Variants in NKAIN2 observed in about 807,000 individuals in gnomAD.
NKAIN2 encodes the protein sodium/potassium-transporting ATPase subunit beta-1-interacting protein 2.
NKAIN2 carries 14 observed loss-of-function variants against 32.6 expected under a neutral mutation model. That is an observed-to-expected ratio of 0.43 (90% CI 0.28 to 0.67). The LOEUF (loss-of-function observed/expected upper bound fraction) is 0.67. Ranked by LOEUF, NKAIN2 falls within the 30% of genes least tolerant of loss-of-function variation. NKAIN2 has a pLI of 0.17. For synonymous variants in NKAIN2, 80 were observed against 87.2 expected, an observed-to-expected ratio of 0.92 and a Z score of 0.46; for missense variants, 198 against 258.3, an observed-to-expected ratio of 0.77 and a Z score of 1.60.
intron 2 of NKAIN2, among the ~76,000 whole-genome samples, chr6:124,295,920 A>G (rs1796028920): frequency 1.3e-5 from 2 of 151,378 alleles, no homozygotes; most frequent in African/African-American, 4.9e-5. Context: ...CCAATTTGTC[A>G]ATCTGGTGAT....
chr6:124,457,266 T>C (rs1776359151), intron 3 of NKAIN2, among the ~76,000 whole-genome samples: 1 of 151,988 alleles, frequency 6.6e-6, no homozygotes. Context: ...CCCCTTGTCA[T>C]TTCTCAAATT....
intron 4 of NKAIN2, among the ~76,000 whole-genome samples, chr6:124,784,033 T>TA (rs1009017078): frequency 1.3e-5 from 2 of 152,158 alleles, no homozygotes; most frequent in East Asian, 3.9e-4. Context: ...GGCACAAAAT[T>TA]AAAATGTGTC....
chr6:124,746,356 C>T (rs1777451636), intron 4 of NKAIN2, among the ~76,000 whole-genome samples: 1 of 151,578 alleles, frequency 6.6e-6, no homozygotes, highest in Non-Finnish European at 1.5e-5. Context: ...GAAAAACAGA[C>T]AAAAGAAAAG....
At chr6:124,077,166 T>C (rs1186757997) in intron 1 of NKAIN2, among the ~76,000 whole-genome samples, 1 of 152,232 alleles carries the variant, frequency 6.6e-6, no homozygotes, top group African/African-American at 2.4e-5. Flanking sequence ...TTTTGTGCTG[T>C]AGCACAATCA....
At chr6:124,385,177 T>C (rs1462654729) in intron 3 of NKAIN2, among the ~76,000 whole-genome samples, 1 of 152,148 alleles carries the variant, frequency 6.6e-6, no homozygotes, top group Admixed American at 6.5e-5. Context: ...GAATATATTT[T>C]CTTTTAGCCA....
chr6:124,230,099 A>G (rs1792371869), intron 1 of NKAIN2, among the ~76,000 whole-genome samples: 1 of 152,132 alleles, frequency 6.6e-6, no homozygotes, highest in Non-Finnish European at 1.5e-5. Context: ...GGTATGGTCA[A>G]TGAAATACAG....
At chr6:124,533,113 A>C (rs1390485434) in intron 3 of NKAIN2, among the ~76,000 whole-genome samples, 1 of 152,070 alleles carries the variant, frequency 6.6e-6, no homozygotes, top group African/African-American at 2.4e-5. Flanking sequence ...TTTCTCTTGG[A>C]GAAACTGATC....
chr6:124,308,677 C>A (rs765146303), intron 2 of NKAIN2, among the ~76,000 whole-genome samples: 21 of 152,154 alleles, frequency 1.4e-4, no homozygotes, highest in Non-Finnish European at 2.9e-4. Flanking sequence ...TCTATCTTCT[C>A]CTCTTAAGTA....
chr6:123,981,033 C>T (rs1778872129), intron 1 of NKAIN2, among the ~76,000 whole-genome samples: 1 of 152,032 alleles, frequency 6.6e-6, no homozygotes, highest in Admixed American at 6.5e-5. Context: ...CCATGCCCGG[C>T]TATTTTTTGT....
chr6:124,422,034 G>A (rs968612528), intron 3 of NKAIN2, among the ~76,000 whole-genome samples: 5 of 151,930 alleles, frequency 3.3e-5, no homozygotes, highest in African/African-American at 1.2e-4. Context: ...GAATTAGGAG[G>A]GAGGATGAAG....
chr6:124,563,723 T>C (rs1466229310), intron 3 of NKAIN2, among the ~76,000 whole-genome samples: 2 of 152,238 alleles, frequency 1.3e-5, no homozygotes, highest in Middle Eastern at 3.4e-3. Context: ...AGTGGTGCGA[T>C]TGCGATCTCA....
At chr6:124,162,625 A>G (rs1464900916) in intron 1 of NKAIN2, among the ~76,000 whole-genome samples, 1 of 152,008 alleles carries the variant, frequency 6.6e-6, no homozygotes, top group Non-Finnish European at 1.5e-5. Flanking sequence ...CAAAAGGAGA[A>G]TCGGTGGTGA....
chr6:124,321,560 G>A (rs1334972038), intron 2 of NKAIN2, among the ~76,000 whole-genome samples: 1 of 152,144 alleles, frequency 6.6e-6, no homozygotes, highest in East Asian at 1.9e-4. Flanking sequence ...TATATTCCTA[G>A]TATCATAATT....
Position 123,986,105 on chromosome 6 carries a change from G to A in NKAIN2, c.54+181851G>A, listed in dbSNP as rs188644873. The stretch of plus-strand genomic sequence containing the variant: ...AAAAACTAGCTAAAATTCTAACAAA[G>A]AAAAAATAAGGAAACACTTTAAACA... On this transcript the variant is annotated intron_variant, in intron 1 of 6. Coordinates refer to ENST00000368417, the MANE Select transcript of NKAIN2 (RefSeq NM_001040214.3). Among the ~76,000 whole-genome samples, 14 of 151,748 alleles carry A rather than the reference G, an allele frequency of 9.2e-5. No individual in the cohort carries two copies. The East Asian group carries it at 1.4e-3, about 15-fold the overall frequency.
At chr6:124,447,648 T>G (rs1326621488) in intron 3 of NKAIN2, among the ~76,000 whole-genome samples, 2 of 152,290 alleles carry the variant, frequency 1.3e-5, no homozygotes, top group East Asian at 3.9e-4. Flanking sequence ...GAACAGGTCA[T>G]AGAATCTTAA....
chr6:124,614,249 C>T (rs1782798580), intron 3 of NKAIN2, among the ~76,000 whole-genome samples: 1 of 152,072 alleles, frequency 6.6e-6, no homozygotes, highest in Non-Finnish European at 1.5e-5. Context: ...CAAAAATTAG[C>T]CTGGCGTGGT....
At chr6:124,338,836 G>A (rs1797992803) in intron 2 of NKAIN2, among the ~76,000 whole-genome samples, 1 of 152,168 alleles carries the variant, frequency 6.6e-6, no homozygotes, top group Admixed American at 6.6e-5. Flanking sequence ...AAGTAGTGAT[G>A]TAATTGCCTA....
intron 4 of NKAIN2, among the ~76,000 whole-genome samples, chr6:124,687,584 A>AC (rs1562324953): frequency 1.2e-4 from 11 of 89,884 alleles, no homozygotes; most frequent in Admixed American, 2.9e-4. Flanking sequence ...ATATATTTAT[A>AC]ATATAAATAT....
chr6:123,979,033 A>G (rs1371598779), intron 1 of NKAIN2, among the ~76,000 whole-genome samples: 1 of 152,172 alleles, frequency 6.6e-6, no homozygotes, highest in Non-Finnish European at 1.5e-5. Flanking sequence ...TAGATAAAAC[A>G]AATATAACTA....
Sources: gnomAD v4.1 joint callset for allele counts (sites outside exome capture counted in the v4.1 genomes callset) on GRCh38, gnomAD v4.1.1 for gene constraint, MANE v1.5 for transcripts, NCBI Gene and HGNC (gene_info 2026-07-23, HGNC 2026-07-21) for gene names.